The following DACH2 variants were observed in gnomAD, a reference collection of about 807,000 sequenced individuals.
The protein encoded by DACH2 is dachshund family transcription factor 2, also known as dachshund homolog 2.
A neutral mutation model predicts 35.8 loss-of-function variants in DACH2; 17 were observed. The observed-to-expected ratio is 0.48, with a 90% CI of 0.33 to 0.71. DACH2 has a LOEUF of 0.71. Ranked by LOEUF, DACH2 falls within the 30% of genes least tolerant of loss-of-function variation. DACH2 has a pLI of 0.02. For missense variants in DACH2, 469 were observed against 472.7 expected (o/e 0.99, Z 0.07); for synonymous variants, 195 against 177.3 (o/e 1.10, Z -0.79).
chrX:86,289,854 T>G, intron 1 of DACH2, among the ~76,000 whole-genome samples: 1 of 109,233 alleles, frequency 9.2e-6, no homozygotes, highest in Non-Finnish European at 1.9e-5. Flanking sequence ...CAAGTCTTTG[T>G]TATTGTGAAT....
chrX:86,560,362 C>T (rs2039195604), intron 3 of DACH2, among the ~76,000 whole-genome samples: 1 of 85,516 alleles, frequency 1.2e-5, no homozygotes, highest in Non-Finnish European at 2.2e-5. Flanking sequence ...TTCTCTCTGG[C>T]TGCCCTTAAC....
At chrX:86,736,214 C>A (rs1198996119) in intron 6 of DACH2, among the ~76,000 whole-genome samples, 1 of 110,887 alleles carries the variant, frequency 9.0e-6, no homozygotes, top group East Asian at 2.8e-4. Context: ...ATTCATATAA[C>A]ATGGTTTGCA....
chrX:86,411,833 C>A (rs995294468), intron 2 of DACH2, among the ~76,000 whole-genome samples: 2 of 111,211 alleles, frequency 1.8e-5, no homozygotes, highest in Non-Finnish European at 3.8e-5. Flanking sequence ...ATTCCCTTAG[C>A]CTTCAGCAAG....
intron 2 of DACH2, among the ~76,000 whole-genome samples, chrX:86,490,217 C>A (rs1261472151): frequency 1.8e-5 from 2 of 111,982 alleles, no homozygotes; most frequent in East Asian, 5.6e-4. Flanking sequence ...TTTATTTTTT[C>A]TTCCTAATCA....
intron 4 of DACH2, among the ~76,000 whole-genome samples, chrX:86,653,887 G>A (rs930674157): frequency 4.9e-4 from 54 of 109,352 alleles, no homozygotes; most frequent in Non-Finnish European, 1.3e-4. Context: ...GCCTAGTCTC[G>A]AACTCCTTAC....
chrX:86,446,288 C>CTTTTTTTTTT (rs753958102), intron 2 of DACH2, among the ~76,000 whole-genome samples: 4 of 78,047 alleles, frequency 5.1e-5, no homozygotes, highest in Admixed American at 1.5e-4. Context: ...AGTCTTGTTT[C>CTTTTTTTTTT]TTTTTTTTTT....
chrX:86,168,482 A>C (rs1282338478), intron 1 of DACH2, among the ~76,000 whole-genome samples: 1 of 110,384 alleles, frequency 9.1e-6, no homozygotes, highest in East Asian at 2.8e-4. Context: ...TTGTTTTTTC[A>C]TCCATTCAAA....
At chrX:86,799,095 A>G (rs2042266903) in intron 7 of DACH2, 1 of 328,806 alleles carries the variant, frequency 3.0e-6, no homozygotes, top group Non-Finnish European at 5.9e-6. Context: ...TATGGAGCAA[A>G]TAAAAAGCTA....
chrX:86,250,658 T>C (rs1471797239), intron 1 of DACH2, among the ~76,000 whole-genome samples: 1 of 111,567 alleles, frequency 9.0e-6, no homozygotes, highest in African/African-American at 3.2e-5. Context: ...TTATAAACAG[T>C]GTTTAAAGGT....
chrX:86,219,482 C>A (rs111648351), intron 1 of DACH2, among the ~76,000 whole-genome samples: 8,628 of 110,874 alleles, frequency 0.078, 830 homozygotes, highest in African/African-American at 0.27. Context: ...CTCAAGTAGA[C>A]CCCAGTGTCT....
chrX:86,249,474 A>G (rs2033356441), intron 1 of DACH2, among the ~76,000 whole-genome samples: 1 of 111,822 alleles, frequency 8.9e-6, no homozygotes, highest in Admixed American at 9.5e-5. Flanking sequence ...TGTTCACTAG[A>G]GAAATGTAAA....
chrX:86,259,736 T>C (rs1474249524), intron 1 of DACH2, among the ~76,000 whole-genome samples: 1 of 112,196 alleles, frequency 8.9e-6, no homozygotes, highest in Non-Finnish European at 1.9e-5. Context: ...GATCATAATA[T>C]GTTTTTAAGA....
intron 1 of DACH2, among the ~76,000 whole-genome samples, chrX:86,268,079 A>C (rs1338191913): frequency 1.8e-5 from 2 of 111,841 alleles, no homozygotes; most frequent in Non-Finnish European, 3.8e-5. Context: ...TCACTAGAAA[A>C]CCTAAGCAAA....
chrX:86,444,933 T>A (rs909002875), intron 2 of DACH2, among the ~76,000 whole-genome samples: 3 of 111,158 alleles, frequency 2.7e-5, no homozygotes, highest in African/African-American at 9.8e-5. Context: ...GTTTAAAAAA[T>A]AGAAAGATAT....
chrX:86,554,176 T>G (rs2148314573), intron 3 of DACH2, among the ~76,000 whole-genome samples: 1 of 111,579 alleles, frequency 9.0e-6, no homozygotes, highest in South Asian at 3.8e-4. Flanking sequence ...ATGCTTTAGT[T>G]GGATTTTGTA....
intron 2 of DACH2, among the ~76,000 whole-genome samples, chrX:86,501,771 C>G (rs2038252339): frequency 9.0e-6 from 1 of 111,499 alleles, no homozygotes; most frequent in Admixed American, 9.5e-5. Flanking sequence ...AAAAATCTCC[C>G]CTTCTAAATT....
chrX:86,309,638 G>C (rs1373443325), intron 1 of DACH2, among the ~76,000 whole-genome samples: 1 of 111,791 alleles, frequency 8.9e-6, no homozygotes, highest in African/African-American at 3.3e-5. Flanking sequence ...AAATAAATCT[G>C]ACTAAAATTG....
intron 1 of DACH2, among the ~76,000 whole-genome samples, chrX:86,206,282 A>G (rs757179274): frequency 3.3e-3 from 343 of 104,694 alleles, no homozygotes; most frequent in South Asian, 0.022. Flanking sequence ...CCAAAAGGGG[A>G]AAAAAAAAAA....
At chrX:86,202,838 G>T (rs1164324931) in intron 1 of DACH2, among the ~76,000 whole-genome samples, 1 of 111,331 alleles carries the variant, frequency 9.0e-6, no homozygotes, top group Non-Finnish European at 1.9e-5. Context: ...AATAATGTAA[G>T]AGAGGGAAAA....
Sources: allele counts gnomAD v4.1 joint callset (sites outside exome capture counted in the v4.1 genomes callset), GRCh38; gene constraint gnomAD v4.1.1; transcripts MANE v1.5; gene names NCBI Gene and HGNC (gene_info 2026-07-23, HGNC 2026-07-21).